The following LMF1 variants were observed in gnomAD, a reference collection of about 807,000 sequenced individuals.
LMF1 encodes the protein transmembrane protein 112.
Under a neutral mutation model 60.6 loss-of-function variants are expected in LMF1, and 68 were observed. That is an observed-to-expected ratio of 1.12 (90% CI 0.92 to 1.37). The LOEUF (loss-of-function observed/expected upper bound fraction) is 1.37. LMF1 is among the 40% of genes most tolerant of loss of function. LMF1 has a pLI of 0.00. For missense variants in LMF1, 948 were observed against 767.2 expected (o/e 1.24, Z -2.78); for synonymous variants, 418 against 324.7 (o/e 1.29, Z -3.09).
intron 1 of LMF1, chr16:976,720 G>A (rs74712369): frequency 1.8e-5 from 8 of 454,018 alleles, no homozygotes; most frequent in South Asian, 4.7e-5. Context: ...CTGGAGTGAC[G>A]GACGCTGAGC....
At chr16:959,888 G>A (rs2072787935) in intron 1 of LMF1, among the ~76,000 whole-genome samples, 1 of 152,040 alleles carries the variant, frequency 6.6e-6, no homozygotes, top group Non-Finnish European at 1.5e-5. Flanking sequence ...GTTCCAGGAC[G>A]GAAGGCTGGA....
chr16:967,209 G>A (rs936406618), intron 1 of LMF1, among the ~76,000 whole-genome samples: 5 of 152,220 alleles, frequency 3.3e-5, no homozygotes, highest in African/African-American at 1.2e-4. Flanking sequence ...GGATTTCAAA[G>A]CATCAAGGAG....
intron 2 of LMF1, among the ~76,000 whole-genome samples, chr16:948,227 C>T (rs1341381109): frequency 2.0e-5 from 3 of 149,294 alleles, no homozygotes; most frequent in African/African-American, 5.0e-5. Context: ...GAGTCAGAGA[C>T]AATGACAGAG....
chr16:925,518 C>T (rs1008359003), intron 3 of LMF1, among the ~76,000 whole-genome samples: 7 of 152,030 alleles, frequency 4.6e-5, no homozygotes, highest in Non-Finnish European at 8.8e-5. Context: ...CAGTTTGAGC[C>T]TAGGAGTTCA....
intron 10 of LMF1, among the ~76,000 whole-genome samples, chr16:856,473 T>C (rs1033537235): frequency 3.3e-5 from 5 of 152,148 alleles, no homozygotes; most frequent in Admixed American, 3.3e-4. Context: ...GCCCACCCTC[T>C]CCCAAACCCT....
intron 3 of LMF1, among the ~76,000 whole-genome samples, chr16:932,270 G>A (rs570535369): frequency 6.4e-4 from 98 of 152,312 alleles, no homozygotes; most frequent in African/African-American, 2.1e-3. Context: ...CATCCTCAGC[G>A]ATGGGTCCTG....
intron 4 of LMF1, among the ~76,000 whole-genome samples, chr16:907,049 G>A (rs2070989520): frequency 1.3e-5 from 2 of 152,146 alleles, no homozygotes; most frequent in Non-Finnish European, 2.9e-5. Context: ...GGTTCTGAAT[G>A]TTATTATAAA....
At chr16:918,174 T>C (rs2071332174) in intron 3 of LMF1, among the ~76,000 whole-genome samples, 1 of 152,208 alleles carries the variant, frequency 6.6e-6, no homozygotes, top group Admixed American at 6.5e-5. Context: ...CTCTCAGTTA[T>C]GAGGAATTTC....
At position 879,677 on chromosome 16, in the gene LMF1, G is replaced by A. The variant is rs777579889; in HGVS notation, c.790C>T (p.Arg264Cys). ...AAGTGGTTGCTGAGCGTCTCGAAGC[G>A]ATGGAACCACCAGGGTGAGTGGTGC... ...YLHHSPWWFH[R>C]FETLSNHFIE... Residue 264 changes from arginine (R) to cysteine (C), a missense_variant, in exon 6 of 11, where the codon CGC becomes TGC. Arg to Cys is a radical substitution (Grantham distance 180). Coordinates refer to ENST00000262301, the MANE Select transcript of LMF1 (RefSeq NM_022773.4). The A allele has an allele frequency of 5.0e-6, 8 of 1,609,304 alleles. No homozygotes were observed. The highest frequency in any genetic ancestry group is 2.2e-5 in the South Asian group (2 of 89,872).
intron 4 of LMF1, among the ~76,000 whole-genome samples, chr16:894,111 C>T (rs2070584155): frequency 7.4e-6 from 1 of 135,680 alleles, no homozygotes; most frequent in African/African-American, 2.8e-5. Context: ...CACCCATGCC[C>T]CTGTCCACCG....
rs1193718269 is a variant in LMF1 at position 914,932 on chromosome 16, T to C, written c.515-3853A>G. ...CCGAGTGCTAATCAGTAATGTTCCG[T>C]AGTGACTGACGCAGAGGGCCACACA... On this transcript the variant is annotated intron_variant, in intron 3 of 10. Coordinates refer to ENST00000262301, the MANE Select transcript of LMF1 (RefSeq NM_022773.4). 2.0e-5 allele frequency among the ~76,000 whole-genome samples: 3 copies of C among 152,204 alleles called. No homozygotes were observed. In the East Asian group the frequency reaches 5.8e-4, roughly 29 times the overall value.
chr16:980,049 G>A (rs2073300148), intron 1 of LMF1: 2 of 319,276 alleles, frequency 6.3e-6, no homozygotes, highest in South Asian at 5.3e-5. Flanking sequence ...AGGCCAGGCT[G>A]GCAGCCAGCT....
chr16:868,592 G>A lies in LMF1; in HGVS notation c.1529+352C>T, dbSNP rs532161169. 1.3e-5 allele frequency among the ~76,000 whole-genome samples: 2 copies of A among 152,332 alleles called. 1 individual carries two copies. The highest frequency in any genetic ancestry group is 4.8e-5 in the African/African-American group (2 of 41,570). Reference sequence around the variant, plus strand: ...GGCTCCTGGAGTGAGGGCCCTGCCTGTCCTTCTTGCCTCTCCAGGCCAGGA... The same window carrying A: ...GGCTCCTGGAGTGAGGGCCCTGCCTATCCTTCTTGCCTCTCCAGGCCAGGA... On this transcript the variant is annotated intron_variant, in intron 10 of 10. Transcript: ENST00000262301.
At chr16:958,119 A>C (rs2072745848) in intron 1 of LMF1, among the ~76,000 whole-genome samples, 1 of 152,266 alleles carries the variant, frequency 6.6e-6, no homozygotes, top group Admixed American at 6.5e-5. Context: ...ACCTAAATGT[A>C]AAACATAAAA....
chr16:965,551 C>T (rs8059768), intron 1 of LMF1, among the ~76,000 whole-genome samples: 4,577 of 152,272 alleles, frequency 0.03, 95 homozygotes, highest in South Asian at 0.12. Flanking sequence ...GAGTCAGATG[C>T]TTGAAGATGC....
At chr16:883,972 A>G (rs1596899709) in intron 5 of LMF1, 1 of 152,248 alleles carries the variant, frequency 6.6e-6, no homozygotes, top group East Asian at 1.9e-4. Context: ...TATTATTGAA[A>G]TCTCCAACTT....
chr16:954,109 G>A, intron 2 of LMF1: 6 of 614,680 alleles, frequency 9.8e-6, no homozygotes, highest in South Asian at 9.4e-5. Context: ...GCTCCAGTAA[G>A]CTGGCAACGC....
intron 3 of LMF1, among the ~76,000 whole-genome samples, chr16:928,148 A>G (rs1378313057): frequency 6.6e-6 from 1 of 152,214 alleles, no homozygotes; most frequent in Non-Finnish European, 1.5e-5. Context: ...TGGCTCACAC[A>G]GGAGCGCCCG....
intron 2 of LMF1, among the ~76,000 whole-genome samples, chr16:942,451 A>G (rs1003690242): frequency 6.6e-6 from 1 of 151,832 alleles, no homozygotes; most frequent in Non-Finnish European, 1.5e-5. Flanking sequence ...TATTTCTTTA[A>G]ATACTTTTTA....
Sources: gnomAD v4.1 joint callset for allele counts (sites outside exome capture counted in the v4.1 genomes callset) on GRCh38, gnomAD v4.1.1 for gene constraint, MANE v1.5 for transcripts, NCBI Gene and HGNC (gene_info 2026-07-23, HGNC 2026-07-21) for gene names.